The following MTX2 variants were observed in gnomAD, a reference collection of about 807,000 sequenced individuals.
MTX2 encodes metaxin-2.
In MTX2, 35 loss-of-function variants were observed where a neutral mutation model predicts 42.3. That is an observed-to-expected ratio of 0.83 (90% CI 0.63 to 1.10). MTX2 has a LOEUF of 1.10. MTX2 is among the 50% of genes least tolerant of loss of function. The pLI, the probability that MTX2 is intolerant of heterozygous loss-of-function variation, is 0.00. For missense variants in MTX2, 307 were observed against 304.1 expected (o/e 1.01, Z -0.07); for synonymous variants, 119 against 100.9 (o/e 1.18, Z -1.08).
intron 1 of MTX2, among the ~76,000 whole-genome samples, chr2:176,273,711 A>G (rs1307243959): frequency 2.0e-5 from 3 of 151,916 alleles, no homozygotes; most frequent in South Asian, 2.1e-4. Flanking sequence ...AACTTTTCTC[A>G]GTTATCGTTC....
chr2:176,334,311 G>T (rs1476593190), intron 9 of MTX2, among the ~76,000 whole-genome samples: 1 of 151,868 alleles, frequency 6.6e-6, no homozygotes, highest in African/African-American at 2.4e-5. Context: ...AGTACAAGAA[G>T]TATAGGGTAG....
At position 176,298,421 on chromosome 2, in the gene MTX2, A is replaced by G. The variant is rs894695569; in HGVS notation, c.135+526A>G. Among the ~76,000 whole-genome samples the G allele has an allele frequency of 2.6e-5, 4 of 152,254 alleles. No individual in the cohort carries two copies. The East Asian group carries it at 7.7e-4, about 29-fold the overall frequency. ...AGTGTTTATTATCCCCAAACCATTT[A>G]TGAAATGTAACAGCTCTTCAAGTTG... On this transcript the variant is annotated intron_variant, in intron 3 of 9. Transcript: ENST00000249442.
chr2:176,297,300 A>G (rs1447981962), intron 2 of MTX2, among the ~76,000 whole-genome samples: 2 of 152,256 alleles, frequency 1.3e-5, no homozygotes, highest in Middle Eastern at 3.4e-3. Flanking sequence ...GCAGCTCTTC[A>G]TATATCATCA....
At chr2:176,271,295 A>G (rs1692799872) in intron 1 of MTX2, among the ~76,000 whole-genome samples, 1 of 152,240 alleles carries the variant, frequency 6.6e-6, no homozygotes, top group African/African-American at 2.4e-5. Context: ...ATTGTAATAA[A>G]ATAATTAGAG....
At chr2:176,305,339 A>G (rs919816798) in intron 3 of MTX2, among the ~76,000 whole-genome samples, 2 of 152,112 alleles carry the variant, frequency 1.3e-5, no homozygotes, top group African/African-American at 4.8e-5. Context: ...AGCATTCATT[A>G]TAGGAGCTCA....
At chr2:176,318,105 T>C (rs1474504919) in intron 3 of MTX2, among the ~76,000 whole-genome samples, 1 of 152,180 alleles carries the variant, frequency 6.6e-6, no homozygotes, top group Non-Finnish European at 1.5e-5. Flanking sequence ...TCTCCTCTGC[T>C]CTTCTTAATG....
In MTX2 at chr2:176,296,863, C is replaced by T; in HGVS notation, c.44C>T (p.Ala15Val). ...AEAFVSQIAA[A>V]EPWPENATLY... ...TATCACTGCCTTGTTTCCATAGCTG[C>T]AGAACCTTGGCCTGAAAATGCTACA... Residue 15 changes from alanine to valine, a missense_variant, in exon 2 of 10, where the codon GCA becomes GTA. Physicochemically the swap from Ala to Val is moderately conservative, Grantham distance 64. Coordinates refer to ENST00000249442, the MANE Select transcript of MTX2 (RefSeq NM_006554.5). The T allele has an allele frequency of 1.2e-6, 2 of 1,613,402 alleles. No homozygotes were observed. Among genetic ancestry groups the T allele is most frequent in the South Asian group, 1.1e-5 (1 of 91,048 alleles).
chr2:176,337,907 C>A lies in MTX2; in HGVS notation c.*243C>A. 1.2e-4 allele frequency: 31 copies of A among 266,350 alleles called. No individual in the cohort carries two copies. Among genetic ancestry groups the A allele is most frequent in the East Asian group, 2.7e-4 (4 of 14,628 alleles). 16.5% of individuals were successfully genotyped at this position (266,350 alleles called of 1,614,324 possible). A position where few individuals can be genotyped will look rare whatever the true frequency, so the allele number is the denominator to read the frequency against. On this transcript the variant is annotated 3_prime_UTR_variant, in exon 10 of 10. Transcript: ENST00000249442. ...TTTTTGTTTCCTTGAAACATGCATG[C>A]ATTTAAAAATAAAGCTTAAACAACT...
chr2:176,297,778 G>T (rs1033645630), intron 2 of MTX2, 71 bp from the exon 3 acceptor site: 2 of 1,037,742 alleles, frequency 1.9e-6, no homozygotes, highest in Non-Finnish European at 2.7e-6. Context: ...TGAATAAATA[G>T]AAATACTTTT....
intron 1 of MTX2, among the ~76,000 whole-genome samples, chr2:176,281,676 G>T (rs1204052893): frequency 6.6e-6 from 1 of 152,120 alleles, no homozygotes; most frequent in African/African-American, 2.4e-5. Flanking sequence ...CATATACTTT[G>T]CCACAATAAC....
intron 1 of MTX2, among the ~76,000 whole-genome samples, chr2:176,282,082 C>T (rs1352614135): frequency 1.6e-5 from 2 of 126,692 alleles, no homozygotes; most frequent in Admixed American, 8.7e-5. Context: ...AGATGTTATC[C>T]TTCCTTAAAT....
In MTX2 at chr2:176,291,522, C is replaced by T. The variant is rs537637566; in HGVS notation, c.41-5338C>T. 5.3e-5 allele frequency among the ~76,000 whole-genome samples: 8 copies of T among 152,092 alleles called. No homozygotes were observed. The East Asian group carries it at 5.8e-4, about 11-fold the overall frequency. On this transcript the variant is annotated intron_variant, in intron 1 of 9. Transcript: ENST00000249442. ...AAATACTTAAATGTAAAAATACAGA[C>T]GGGGAGTGCATGCTGTAAGAGCTTG...
At chr2:176,288,956 T>C (rs1340865085) in intron 1 of MTX2, among the ~76,000 whole-genome samples, 1 of 151,964 alleles carries the variant, frequency 6.6e-6, no homozygotes, top group African/African-American at 2.4e-5. Context: ...AATACGTTGA[T>C]TTGAATGGAA....
intron 1 of MTX2, among the ~76,000 whole-genome samples, chr2:176,289,928 C>A (rs1049010880): frequency 1.3e-5 from 2 of 151,930 alleles, no homozygotes; most frequent in Non-Finnish European, 2.9e-5. Flanking sequence ...TTTTTAATAA[C>A]CTTGGGACCA....
At chr2:176,280,201 G>A (rs576027227) in intron 1 of MTX2, among the ~76,000 whole-genome samples, 9 of 152,310 alleles carry the variant, frequency 5.9e-5, no homozygotes, top group Admixed American at 4.6e-4. Context: ...TGGAGATATA[G>A]TGAGATTTCA....
chr2:176,319,442 C>CT (rs71004269), intron 3 of MTX2, among the ~76,000 whole-genome samples: 4,790 of 130,504 alleles, frequency 0.037, 92 homozygotes, highest in African/African-American at 0.057. Context: ...TTTGGCTTTG[C>CT]TTTTTTTTTT....
At chr2:176,281,547 T>G (rs6709357) in intron 1 of MTX2, among the ~76,000 whole-genome samples, 1 of 151,996 alleles carries the variant, frequency 6.6e-6, no homozygotes, top group African/African-American at 2.4e-5. Flanking sequence ...TCTTTTATAA[T>G]CTACTCTCAA....
At chr2:176,324,527 G>A (rs974498920) in intron 4 of MTX2, among the ~76,000 whole-genome samples, 2 of 151,748 alleles carry the variant, frequency 1.3e-5, no homozygotes, top group Non-Finnish European at 3.0e-5. Flanking sequence ...GAACTACAGA[G>A]TTCTGGTGAA....
At chr2:176,304,943 G>A (rs559180929) in intron 3 of MTX2, among the ~76,000 whole-genome samples, 1 of 152,148 alleles carries the variant, frequency 6.6e-6, no homozygotes, top group Admixed American at 6.5e-5. Context: ...TTTAGAAGCT[G>A]TGTTTATAAC....
Sources: allele counts gnomAD v4.1 joint callset (sites outside exome capture counted in the v4.1 genomes callset), GRCh38; gene constraint gnomAD v4.1.1; transcripts MANE v1.5; gene names NCBI Gene and HGNC (gene_info 2026-07-23, HGNC 2026-07-21).